CSNK2A2IP: variants seen among roughly 807,000 people sequenced by gnomAD.
CSNK2A2IP encodes the protein casein kinase II subunit alpha'-interacting protein.
At chr3:88,375,060 AAGTCACCTCACTGTCATAATT>A in the CSNK2A2IP span, among the ~76,000 whole-genome samples, 1 of 151,704 alleles carries the variant, frequency 6.6e-6, no homozygotes, top group Non-Finnish European at 1.5e-5. Flanking sequence ...GTTTAAGGCT[AAGTCACCTCACTGTCATAATT>A]CTCTATTCTA....
the CSNK2A2IP span, among the ~76,000 whole-genome samples, chr3:88,355,926 C>A: frequency 2.6e-4 from 40 of 152,134 alleles, no homozygotes; most frequent in Non-Finnish European, 4.1e-4. Context: ...CCATAGTTAA[C>A]CGATGCTCTT....
the CSNK2A2IP span, among the ~76,000 whole-genome samples, chr3:88,387,554 A>G: frequency 9.9e-5 from 15 of 152,166 alleles, no homozygotes; most frequent in Non-Finnish European, 1.5e-5. Flanking sequence ...TTTTTATGGT[A>G]GTGTGTTACA....
the CSNK2A2IP span, among the ~76,000 whole-genome samples, chr3:88,442,824 T>C: frequency 6.6e-6 from 1 of 151,996 alleles, no homozygotes; most frequent in Non-Finnish European, 1.5e-5. Flanking sequence ...TTCCTGATCA[T>C]AATGAGTTCT....
the CSNK2A2IP span, among the ~76,000 whole-genome samples, chr3:88,392,127 T>A: frequency 2.6e-5 from 4 of 152,182 alleles, no homozygotes; most frequent in Non-Finnish European, 5.9e-5. Context: ...GATTTCTGGA[T>A]GGATCACCAG....
the CSNK2A2IP span, among the ~76,000 whole-genome samples, chr3:88,385,950 C>T: frequency 6.6e-6 from 1 of 152,046 alleles, no homozygotes; most frequent in African/African-American, 2.4e-5. Flanking sequence ...GAACAAGAAA[C>T]ATGAAGACTC....
the CSNK2A2IP span, among the ~76,000 whole-genome samples, chr3:88,411,861 T>A: frequency 2.0e-5 from 3 of 151,120 alleles, no homozygotes; most frequent in Non-Finnish European, 4.4e-5. Flanking sequence ...CAACATATAA[T>A]AAGAAAATAT....
the CSNK2A2IP span, among the ~76,000 whole-genome samples, chr3:88,458,698 G>C: frequency 6.6e-6 from 1 of 151,740 alleles, no homozygotes; most frequent in Non-Finnish European, 1.5e-5. Flanking sequence ...GTCATTTATT[G>C]TTACAGATAG....
the CSNK2A2IP span, among the ~76,000 whole-genome samples, chr3:88,397,791 G>A: frequency 2.0e-5 from 3 of 150,876 alleles, no homozygotes; most frequent in Admixed American, 6.6e-5. Flanking sequence ...TAACATCACA[G>A]TTTGAGGCAT....
chr3:88,405,157 G>C, the CSNK2A2IP span, among the ~76,000 whole-genome samples: 28 of 151,976 alleles, frequency 1.8e-4, no homozygotes, highest in African/African-American at 5.8e-4. Flanking sequence ...ATTTGGAGTC[G>C]AGTCCAATCT....
chr3:88,458,054 G>A, the CSNK2A2IP span, among the ~76,000 whole-genome samples: 2 of 150,792 alleles, frequency 1.3e-5, no homozygotes, highest in Admixed American at 6.6e-5. Flanking sequence ...ATATTCTTCA[G>A]GTTTTTTTGG....
chr3:88,423,232 C>T, the CSNK2A2IP span, among the ~76,000 whole-genome samples: 1 of 152,076 alleles, frequency 6.6e-6, no homozygotes, highest in African/African-American at 2.4e-5. Flanking sequence ...AATTCATTGT[C>T]CCTATGTAGC....
At chr3:88,411,363 A>G in the CSNK2A2IP span, among the ~76,000 whole-genome samples, 1 of 129,196 alleles carries the variant, frequency 7.7e-6, no homozygotes, top group South Asian at 2.4e-4. Context: ...CTATCTATCT[A>G]TCTATCTATC....
the CSNK2A2IP span, among the ~76,000 whole-genome samples, chr3:88,342,895 C>T: frequency 4.6e-5 from 7 of 151,994 alleles, no homozygotes; most frequent in Admixed American, 2.0e-4. Flanking sequence ...AGCCAATAGC[C>T]ACCAAGGGGC....
the CSNK2A2IP span, among the ~76,000 whole-genome samples, chr3:88,362,057 A>T: frequency 2.0e-5 from 3 of 152,076 alleles, no homozygotes; most frequent in Non-Finnish European, 4.4e-5. Context: ...TAAATTTCTT[A>T]TCTGAGAAGT....
At chr3:88,344,660 C>G in the CSNK2A2IP span, among the ~76,000 whole-genome samples, 1 of 151,882 alleles carries the variant, frequency 6.6e-6, no homozygotes, top group South Asian at 2.1e-4. Flanking sequence ...TTTGCTGTCT[C>G]CCATTCCATT....
chr3:88,386,801 G>GT, the CSNK2A2IP span, among the ~76,000 whole-genome samples: 1,009 of 152,296 alleles, frequency 6.6e-3, 6 homozygotes, highest in Non-Finnish European at 0.012. Context: ...GTTTGACAAC[G>GT]TAAGTGGGTA....
the CSNK2A2IP span, among the ~76,000 whole-genome samples, chr3:88,358,927 T>C: frequency 2.0e-5 from 3 of 151,986 alleles, no homozygotes; most frequent in Non-Finnish European, 4.4e-5. Flanking sequence ...ACTTTAAACG[T>C]TGGTAGAATT....
the CSNK2A2IP span, among the ~76,000 whole-genome samples, chr3:88,372,999 G>A: frequency 6.6e-6 from 1 of 151,330 alleles, no homozygotes; most frequent in Non-Finnish European, 1.5e-5. Flanking sequence ...AACTTGGATA[G>A]AACTACAAGA....
At chr3:88,388,015 A>G in the CSNK2A2IP span, among the ~76,000 whole-genome samples, 1 of 151,584 alleles carries the variant, frequency 6.6e-6, no homozygotes, top group Non-Finnish European at 1.5e-5. Context: ...CATTATTATA[A>G]TCCTCCTTTC....
Sources: allele counts gnomAD v4.1 joint callset (sites outside exome capture counted in the v4.1 genomes callset), GRCh38; gene constraint gnomAD v4.1.1; transcripts MANE v1.5; gene names NCBI Gene and HGNC (gene_info 2026-07-23, HGNC 2026-07-21).